The following RHBDD1 variants were observed in gnomAD, a reference collection of about 807,000 sequenced individuals.
The protein encoded by RHBDD1 is rhomboid domain containing 1, also known as rhomboid-related protein 4.
In RHBDD1, 38 loss-of-function variants were observed where a neutral mutation model predicts 36.3. The ratio of observed to expected loss-of-function variants is 1.05; its 90% CI spans 0.81 to 1.37. RHBDD1 has a LOEUF of 1.37. RHBDD1 is among the 40% of genes most tolerant of loss of function. The pLI, the probability that RHBDD1 is intolerant of heterozygous loss-of-function variation, is 0.00. For synonymous variants in RHBDD1, 151 were observed against 136.5 expected, an observed-to-expected ratio of 1.11 and a Z score of -0.74; for missense variants, 393 against 377.6, an observed-to-expected ratio of 1.04 and a Z score of -0.34.
chr2:226,914,249 G>A lies in RHBDD1; in HGVS notation c.754G>A (p.Asp252Asn). 6.2e-7 allele frequency: 1 copy of A among 1,613,868 alleles called. No homozygotes were observed. ...GGATTATTATCCGCATGGCAGGCCA[G>A]ATCACTATGAAGAAGCACCCAGGAA... ...YQDYYPHGRP[D>N]HYEEAPRNYD... Residue 252 changes from aspartate to asparagine, a missense_variant, in exon 8 of 9, where the codon GAT (aspartate) becomes AAT (asparagine). Coordinates refer to ENST00000392062, the MANE Select transcript of RHBDD1 (RefSeq NM_001167608.3).
At chr2:226,957,313 G>T (rs965246547) in intron 8 of RHBDD1, among the ~76,000 whole-genome samples, 1 of 152,100 alleles carries the variant, frequency 6.6e-6, no homozygotes, top group Non-Finnish European at 1.5e-5. Context: ...AATATAGATG[G>T]ACATCTTCAT....
intron 8 of RHBDD1, chr2:226,914,573 G>T: frequency 3.1e-6 from 1 of 326,736 alleles, no homozygotes; most frequent in Non-Finnish European, 5.5e-6. Context: ...TGTTAAAGTG[G>T]TTCTTTTTAT....
chr2:226,987,107 C>G (rs1436992421), intron 8 of RHBDD1, among the ~76,000 whole-genome samples: 1 of 152,096 alleles, frequency 6.6e-6, no homozygotes, highest in Non-Finnish European at 1.5e-5. Flanking sequence ...TGTTCTCGCT[C>G]ATAAGTGGGA....
intron 3 of RHBDD1, among the ~76,000 whole-genome samples, chr2:226,849,189 C>A (rs531983074): frequency 5.9e-5 from 9 of 152,328 alleles, no homozygotes; most frequent in African/African-American, 2.2e-4. Flanking sequence ...GATTAAGTGA[C>A]GTGGGCAGGG....
intron 5 of RHBDD1, among the ~76,000 whole-genome samples, chr2:226,892,245 T>C (rs1026409124): frequency 6.6e-6 from 1 of 152,226 alleles, no homozygotes; most frequent in Non-Finnish European, 1.5e-5. Flanking sequence ...TATGTGATGT[T>C]GATGGCATGT....
At chr2:226,807,734 T>C in the RHBDD1 span, 1 of 152,270 alleles carries the variant, frequency 6.6e-6, no homozygotes, top group Admixed American at 6.5e-5. Context: ...TGTAAGGACT[T>C]TGGTTTTCGC....
At chr2:226,894,040 G>A (rs1282254085) in intron 5 of RHBDD1, among the ~76,000 whole-genome samples, 2 of 152,144 alleles carry the variant, frequency 1.3e-5, no homozygotes, top group Non-Finnish European at 2.9e-5. Context: ...TGTAAAGTGA[G>A]GGAAAGTTGT....
At chr2:226,952,859 T>C (rs1035010581) in intron 8 of RHBDD1, among the ~76,000 whole-genome samples, 2 of 151,770 alleles carry the variant, frequency 1.3e-5, no homozygotes, top group Non-Finnish European at 2.9e-5. Context: ...TCAACAAAAA[T>C]AGCTACTACC....
At chr2:226,935,035 A>G (rs1261117021) in intron 8 of RHBDD1, among the ~76,000 whole-genome samples, 2 of 152,030 alleles carry the variant, frequency 1.3e-5, no homozygotes, top group African/African-American at 4.8e-5. Flanking sequence ...TGAAAGGCAA[A>G]TGGCCACAAT....
chr2:226,816,710 A>G, the RHBDD1 span, among the ~76,000 whole-genome samples: 2 of 152,220 alleles, frequency 1.3e-5, no homozygotes, highest in African/African-American at 2.4e-5. Context: ...GGCCTGACCA[A>G]CATGGTAAAA....
Position 226,854,718 on chromosome 2 carries a change from C to G in RHBDD1, c.-90-9886C>G, listed in dbSNP as rs2125117044. On this transcript the variant is annotated intron_variant, in intron 3 of 8. Coordinates refer to ENST00000392062, the MANE Select transcript of RHBDD1 (RefSeq NM_001167608.3). ...CCATTCCATTAATTATGACACTATTCATCGTTTTTTTAAATCTACTTAAAG... is the reference window on the plus strand; with the variant it reads ...CCATTCCATTAATTATGACACTATTGATCGTTTTTTTAAATCTACTTAAAG... Among the ~76,000 whole-genome samples, 3 of 151,778 alleles carry G rather than the reference C, an allele frequency of 2.0e-5. 1 individual carries two copies. The Middle Eastern group carries it at 0.01, about 523-fold the overall frequency.
intron 8 of RHBDD1, among the ~76,000 whole-genome samples, chr2:226,959,948 G>A (rs1430419281): frequency 2.0e-5 from 3 of 151,862 alleles, no homozygotes; most frequent in Non-Finnish European, 2.9e-5. Context: ...TCAGCCTCCC[G>A]AGTAGCTGGG....
intron 8 of RHBDD1, among the ~76,000 whole-genome samples, chr2:226,942,836 A>C (rs1950751294): frequency 6.6e-6 from 1 of 152,212 alleles, no homozygotes; most frequent in South Asian, 2.1e-4. Context: ...AATGATTCAT[A>C]ATAGAAAAGA....
chr2:226,891,339 A>C (rs1946668925), intron 5 of RHBDD1, among the ~76,000 whole-genome samples: 1 of 152,190 alleles, frequency 6.6e-6, no homozygotes, highest in Admixed American at 6.5e-5. Flanking sequence ...CTCTCTCCCT[A>C]AGGCAGCTCA....
At chr2:226,921,230 G>A (rs1949286388) in intron 8 of RHBDD1, among the ~76,000 whole-genome samples, 1 of 151,732 alleles carries the variant, frequency 6.6e-6, no homozygotes, top group Non-Finnish European at 1.5e-5. Context: ...ATTTTTATTT[G>A]GGTCTTCTCT....
intron 3 of RHBDD1, among the ~76,000 whole-genome samples, chr2:226,840,307 G>A (rs1941471523): frequency 6.6e-6 from 1 of 152,112 alleles, no homozygotes; most frequent in Non-Finnish European, 1.5e-5. Flanking sequence ...GAGACCTTTG[G>A]GATCTACGTG....
intron 8 of RHBDD1, among the ~76,000 whole-genome samples, chr2:226,973,907 C>T (rs1407696908): frequency 1.3e-5 from 2 of 152,208 alleles, no homozygotes; most frequent in Admixed American, 1.3e-4. Flanking sequence ...CTGCCCACCC[C>T]TGAGAATCTC....
At chr2:226,934,985 G>A (rs1203523796) in intron 8 of RHBDD1, among the ~76,000 whole-genome samples, 2 of 151,872 alleles carry the variant, frequency 1.3e-5, no homozygotes, top group African/African-American at 4.8e-5. Flanking sequence ...AATCCTTACT[G>A]ACATGTGGAG....
intron 8 of RHBDD1, among the ~76,000 whole-genome samples, chr2:226,920,493 TC>T (rs1438862742): frequency 6.6e-6 from 1 of 152,148 alleles, no homozygotes; most frequent in Non-Finnish European, 1.5e-5. Context: ...TTTCTGTTTT[TC>T]CCCTTTCAAC....
Sources: gnomAD v4.1 joint callset for allele counts (sites outside exome capture counted in the v4.1 genomes callset) on GRCh38, gnomAD v4.1.1 for gene constraint, MANE v1.5 for transcripts, NCBI Gene and HGNC (gene_info 2026-07-23, HGNC 2026-07-21) for gene names.